Variants in NEGR1 observed in about 807,000 individuals in gnomAD.
NEGR1 encodes neuronal growth regulator 1.
A neutral mutation model predicts 40.9 loss-of-function variants in NEGR1; 10 were observed. The observed-to-expected ratio is 0.24, with a 90% CI of 0.15 to 0.42. The LOEUF (loss-of-function observed/expected upper bound fraction) is 0.42. Ranked by LOEUF, NEGR1 falls within the 10% of genes least tolerant of loss-of-function variation. NEGR1 has a pLI of 1.00. For synonymous variants in NEGR1, 185 were observed against 166.8 expected (o/e 1.11, Z -0.84); for missense variants, 352 against 438.9 (o/e 0.80, Z 1.77).
chr1:71,774,790 T>G (rs948514409), intron 3 of NEGR1, among the ~76,000 whole-genome samples: 1 of 152,166 alleles, frequency 6.6e-6, no homozygotes, highest in Non-Finnish European at 1.5e-5. Flanking sequence ...CCCAAAGCTA[T>G]GTAGTTCAAA....
chr1:71,904,389 T>G (rs1317585215), intron 2 of NEGR1, among the ~76,000 whole-genome samples: 1 of 152,036 alleles, frequency 6.6e-6, no homozygotes, highest in Non-Finnish European at 1.5e-5. Context: ...AATAATCAGT[T>G]TGCTTTATGA....
intron 6 of NEGR1, among the ~76,000 whole-genome samples, chr1:71,529,925 T>C (rs1647301617): frequency 6.6e-6 from 1 of 151,242 alleles, no homozygotes; most frequent in African/African-American, 2.4e-5. Context: ...ATTCCCTTCA[T>C]TTGAAACAGA....
intron 3 of NEGR1, among the ~76,000 whole-genome samples, chr1:71,743,018 T>G (rs746344844): frequency 1.1e-4 from 16 of 152,124 alleles, no homozygotes; most frequent in Non-Finnish European, 1.6e-4. Context: ...CTCTCTCCAC[T>G]ATGTGAGGAT....
chr1:71,984,206 A>G (rs899021437), intron 1 of NEGR1, among the ~76,000 whole-genome samples: 1 of 146,458 alleles, frequency 6.8e-6, no homozygotes, highest in Non-Finnish European at 1.5e-5. Flanking sequence ...TTTTGGCTAC[A>G]CAATTTAGTC....
At chr1:72,199,933 A>T (rs1653144373) in intron 1 of NEGR1, among the ~76,000 whole-genome samples, 2 of 151,940 alleles carry the variant, frequency 1.3e-5, no homozygotes, top group African/African-American at 2.4e-5. Context: ...AATGCTCATC[A>T]TTGCTAATCA....
chr1:72,225,876 G>A (rs954859963), intron 1 of NEGR1, among the ~76,000 whole-genome samples: 4 of 151,688 alleles, frequency 2.6e-5, no homozygotes, highest in Non-Finnish European at 4.4e-5. Flanking sequence ...CACTTTTGAT[G>A]AAAGTGAATT....
intron 3 of NEGR1, among the ~76,000 whole-genome samples, chr1:71,710,255 A>C (rs1447331304): frequency 1.3e-5 from 2 of 152,118 alleles, no homozygotes; most frequent in Non-Finnish European, 2.9e-5. Flanking sequence ...TATGGAGAAA[A>C]GGGAACCCTT....
At chr1:72,053,113 G>C (rs919639886) in intron 1 of NEGR1, among the ~76,000 whole-genome samples, 1 of 151,290 alleles carries the variant, frequency 6.6e-6, no homozygotes, top group Non-Finnish European at 1.5e-5. Flanking sequence ...CAAATTTGTA[G>C]TCAGGACACA....
At chr1:71,695,086 C>T (rs1377594155) in intron 4 of NEGR1, among the ~76,000 whole-genome samples, 2 of 151,766 alleles carry the variant, frequency 1.3e-5, no homozygotes, top group African/African-American at 2.4e-5. Flanking sequence ...CTAGAAGTAG[C>T]TCTCAATTTT....
chr1:71,996,349 C>T (rs1386040422), intron 1 of NEGR1, among the ~76,000 whole-genome samples: 1 of 152,068 alleles, frequency 6.6e-6, no homozygotes, highest in Non-Finnish European at 1.5e-5. Flanking sequence ...TCATATGCTA[C>T]CCTACTAGAA....
chr1:72,096,483 T>C (rs1191130554), intron 1 of NEGR1, among the ~76,000 whole-genome samples: 3 of 152,012 alleles, frequency 2.0e-5, no homozygotes, highest in Non-Finnish European at 4.4e-5. Flanking sequence ...TGTAATCTAA[T>C]ATAAAATTTC....
chr1:71,757,197 T>C (rs1655775074), intron 3 of NEGR1, among the ~76,000 whole-genome samples: 1 of 152,124 alleles, frequency 6.6e-6, no homozygotes, highest in South Asian at 2.1e-4. Flanking sequence ...CTAGGAGACA[T>C]TTCATGGGTT....
At chr1:71,756,566 A>G (rs1232733254) in intron 3 of NEGR1, among the ~76,000 whole-genome samples, 1 of 152,136 alleles carries the variant, frequency 6.6e-6, no homozygotes, top group Non-Finnish European at 1.5e-5. Flanking sequence ...TCCATGAAAT[A>G]CCCAGTTGTA....
chr1:71,983,599 T>C (rs1459549732), intron 1 of NEGR1, among the ~76,000 whole-genome samples: 1 of 152,178 alleles, frequency 6.6e-6, no homozygotes, highest in East Asian at 1.9e-4. Context: ...TCAAATTAAA[T>C]GCACTTCAGC....
intron 2 of NEGR1, among the ~76,000 whole-genome samples, chr1:71,779,566 C>CT (rs59637200): frequency 2.7e-5 from 4 of 149,958 alleles, no homozygotes; most frequent in African/African-American, 9.8e-5. Flanking sequence ...TAGATAAAAA[C>CT]TTTTTTTTTT....
chr1:72,163,691 T>C (rs1651669094), intron 1 of NEGR1, among the ~76,000 whole-genome samples: 1 of 151,780 alleles, frequency 6.6e-6, no homozygotes, highest in Non-Finnish European at 1.5e-5. Context: ...AGGCAAATAA[T>C]ATATGCCCAG....
Position 71,933,817 on chromosome 1 carries a change from C to T in NEGR1, c.409+1262G>A, listed in dbSNP as rs141980642. On this transcript the variant is annotated intron_variant, in intron 2 of 6. Coordinates refer to ENST00000357731, the MANE Select transcript of NEGR1 (RefSeq NM_173808.3). Reference sequence around the variant, plus strand: ...TTATTTTTCAATTTATACTTTCCTCCTTAAAGTTAATTGTTTAAGAAGTTT... The same window carrying T: ...TTATTTTTCAATTTATACTTTCCTCTTTAAAGTTAATTGTTTAAGAAGTTT... 4.4e-4 allele frequency among the ~76,000 whole-genome samples: 67 copies of T among 152,074 alleles called. No individual in the cohort carries two copies. In the East Asian group the frequency reaches 0.012, roughly 27 times the overall value.
intron 1 of NEGR1, among the ~76,000 whole-genome samples, chr1:72,206,223 A>G (rs953645801): frequency 1.3e-5 from 2 of 152,020 alleles, no homozygotes; most frequent in African/African-American, 2.4e-5. Context: ...GGGAAATGCT[A>G]TTTTTAAAAA....
intron 4 of NEGR1, among the ~76,000 whole-genome samples, chr1:71,614,203 G>A (rs912367131): frequency 6.6e-6 from 1 of 151,584 alleles, no homozygotes; most frequent in Non-Finnish European, 1.5e-5. Flanking sequence ...GTTTGCATGA[G>A]AACTGTTACA....
Sources: gnomAD v4.1 joint callset for allele counts (sites outside exome capture counted in the v4.1 genomes callset) on GRCh38, gnomAD v4.1.1 for gene constraint, MANE v1.5 for transcripts, NCBI Gene and HGNC (gene_info 2026-07-23, HGNC 2026-07-21) for gene names.